The following ANKRD55 variants were observed in gnomAD, a reference collection of about 807,000 sequenced individuals.
ANKRD55 encodes the protein ankyrin repeat domain-containing protein 55.
ANKRD55 carries 41 observed loss-of-function variants against 60.6 expected under a neutral mutation model. The ratio of observed to expected loss-of-function variants is 0.68; its 90% CI spans 0.53 to 0.88. The LOEUF is 0.88. ANKRD55 is among the 40% of genes least tolerant of loss of function. The pLI is 0.00. For synonymous variants in ANKRD55, 264 were observed against 290.3 expected (o/e 0.91, Z 0.92); for missense variants, 732 against 767.6 (o/e 0.95, Z 0.55).
intron 6 of ANKRD55, among the ~76,000 whole-genome samples, chr5:56,151,610 C>G (rs144645288): frequency 1.3e-5 from 2 of 152,014 alleles, no homozygotes; most frequent in East Asian, 3.9e-4. Flanking sequence ...GACAGGAGTT[C>G]GAGACCAGCC....
chr5:56,213,210 G>A (rs1267748988), intron 2 of ANKRD55, among the ~76,000 whole-genome samples: 3 of 152,094 alleles, frequency 2.0e-5, no homozygotes, highest in Admixed American at 1.3e-4. Flanking sequence ...TTGTTTGGGA[G>A]GAGGTGTCAG....
intron 2 of ANKRD55, among the ~76,000 whole-genome samples, chr5:56,220,577 G>A (rs1274389132): frequency 6.6e-6 from 1 of 152,208 alleles, no homozygotes; most frequent in Non-Finnish European, 1.5e-5. Context: ...CACTTTGGGA[G>A]GCCGAGGAAG....
At chr5:56,160,627 T>C (rs1387111304) in intron 5 of ANKRD55, among the ~76,000 whole-genome samples, 1 of 152,226 alleles carries the variant, frequency 6.6e-6, no homozygotes, top group Non-Finnish European at 1.5e-5. Flanking sequence ...GCTTCACTCC[T>C]AGCTGCATAT....
At chr5:56,166,084 CTT>C (rs113885174) in intron 5 of ANKRD55, among the ~76,000 whole-genome samples, 64 of 76,916 alleles carry the variant, frequency 8.3e-4, no homozygotes, top group African/African-American at 3.4e-3. Context: ...TCTTTCTTTT[CTT>C]TTTCTTTCTT....
intron 10 of ANKRD55, among the ~76,000 whole-genome samples, chr5:56,109,536 C>CTT (rs933504019): frequency 6.9e-6 from 1 of 144,626 alleles, no homozygotes. Flanking sequence ...ACCTGTGGAT[C>CTT]TTTTTTTTTT....
At chr5:56,217,829 G>C (rs766924737) in intron 2 of ANKRD55, among the ~76,000 whole-genome samples, 5 of 150,776 alleles carry the variant, frequency 3.3e-5, no homozygotes, top group Non-Finnish European at 5.9e-5. Flanking sequence ...CCAGGCGGCA[G>C]AACTTGCAGT....
chr5:56,183,707 T>C (rs1169511751), intron 2 of ANKRD55, 73 bp from the exon 3 acceptor site: 6 of 1,576,932 alleles, frequency 3.8e-6, no homozygotes, highest in Non-Finnish European at 5.2e-6. Flanking sequence ...ACCCAAGTCG[T>C]CACCCACACA....
chr5:56,148,157 T>C (rs982643939), intron 6 of ANKRD55, among the ~76,000 whole-genome samples: 16 of 152,246 alleles, frequency 1.1e-4, no homozygotes, highest in Non-Finnish European at 2.2e-4. Flanking sequence ...CAAAGATCAC[T>C]TGGACTCATA....
At chr5:56,212,703 A>C (rs1459243875) in intron 2 of ANKRD55, among the ~76,000 whole-genome samples, 1 of 152,240 alleles carries the variant, frequency 6.6e-6, no homozygotes, top group Non-Finnish European at 1.5e-5. Flanking sequence ...TTGCACAGCT[A>C]TTAAATGACA....
chr5:56,183,396 G>C (rs6885745), intron 3 of ANKRD55, 116 bp downstream of exon 3: 215,071 of 1,341,498 alleles, frequency 0.16, 32,571 homozygotes, highest in African/African-American at 0.74. Flanking sequence ...CTGCACATAG[G>C]CACAGTATCA....
chr5:56,112,510 A>AAAAAAAAAAACAAAAAAAAAAAC (rs200589825), intron 9 of ANKRD55, among the ~76,000 whole-genome samples: 1 of 137,980 alleles, frequency 7.2e-6, no homozygotes, highest in African/African-American at 2.6e-5. Flanking sequence ...CTAGCAAAAA[A>AAAAAAAAAAACAAAAAAAAAAAC]AAAAAAAAAA....
rs765574195 is a variant in ANKRD55, at chr5:56,145,542, T to C, written c.484-1613A>G. ...ACTGGATTATGATATGAGCAAGAAA[T>C]AGGCCTTTATTGTGTCAGGCTACTG... On this transcript the variant is annotated intron_variant, in intron 6 of 11. Transcript: ENST00000341048. 1.1e-4 allele frequency among the ~76,000 whole-genome samples: 16 copies of C among 152,346 alleles called. No homozygotes were observed. The South Asian group carries it at 3.3e-3, about 32-fold the overall frequency.
chr5:56,112,889 G>A (rs1369288038), intron 9 of ANKRD55, among the ~76,000 whole-genome samples: 1 of 152,120 alleles, frequency 6.6e-6, no homozygotes, highest in Non-Finnish European at 1.5e-5. Flanking sequence ...TATAATGAAT[G>A]TTTTCTCTAC....
intron 2 of ANKRD55, among the ~76,000 whole-genome samples, chr5:56,208,456 A>G (rs12515199): frequency 0.24 from 36,401 of 151,684 alleles, 5,549 homozygotes; most frequent in Non-Finnish European, 0.34. Context: ...ACAGAGTCTC[A>G]CTCTGTTACC....
Position 56,161,889 on chromosome 5 carries a change from G to A in ANKRD55, c.423-1996C>T, listed in dbSNP as rs1758341241. 7.8e-6 allele frequency: 6 copies of A among 773,172 alleles called. No homozygotes were observed. In the South Asian group the frequency reaches 3.5e-4, roughly 45 times the overall value. The allele number at this position is 773,172 out of a possible 1,614,324, so 47.9% of individuals were successfully genotyped here. ...GGTAGGAAGACATATAAAAATAATT[G>A]CATTTTGGGTCACACAATTTTTATC... is the stretch of plus-strand genomic sequence containing the variant. On this transcript the variant is annotated intron_variant, in intron 5 of 11. Coordinates refer to ENST00000341048, the MANE Select transcript of ANKRD55 (RefSeq NM_024669.3).
chr5:56,147,662 T>C (rs1465250885), intron 6 of ANKRD55, among the ~76,000 whole-genome samples: 2 of 152,198 alleles, frequency 1.3e-5, no homozygotes, highest in African/African-American at 2.4e-5. Context: ...TAAATACTTG[T>C]GCAATATAAA....
At chr5:56,188,352 C>T (rs1000406066) in intron 2 of ANKRD55, among the ~76,000 whole-genome samples, 32 of 145,324 alleles carry the variant, frequency 2.2e-4, no homozygotes, top group African/African-American at 6.4e-4. Context: ...CCCGCAACCC[C>T]GCCACCCCCC....
At chr5:56,112,510 A>AAAAAAAAAAAAAAAAAAAAAAAAAAAAC (rs1554036580) in intron 9 of ANKRD55, among the ~76,000 whole-genome samples, 1 of 138,004 alleles carries the variant, frequency 7.2e-6, no homozygotes, top group Non-Finnish European at 1.6e-5. Flanking sequence ...CTAGCAAAAA[A>AAAAAAAAAAAAAAAAAAAAAAAAAAAAC]AAAAAAAAAA....
intron 6 of ANKRD55, among the ~76,000 whole-genome samples, chr5:56,153,108 A>G (rs1048424395): frequency 6.6e-6 from 1 of 152,090 alleles, no homozygotes; most frequent in Non-Finnish European, 1.5e-5. Context: ...AACCCAATGG[A>G]TCAATCGACA....
Sources: gnomAD v4.1 joint callset for allele counts (sites outside exome capture counted in the v4.1 genomes callset) on GRCh38, gnomAD v4.1.1 for gene constraint, MANE v1.5 for transcripts, NCBI Gene and HGNC (gene_info 2026-07-23, HGNC 2026-07-21) for gene names.